ELP3: variants seen among roughly 807,000 people sequenced by gnomAD.
ELP3 encodes elongator acetyltransferase complex subunit 3.
A neutral mutation model predicts 74.9 loss-of-function variants in ELP3; 56 were observed. That is an observed-to-expected ratio of 0.75 (90% CI 0.60 to 0.93). The LOEUF (loss-of-function observed/expected upper bound fraction) is 0.93. Ranked by LOEUF, ELP3 falls within the 40% of genes least tolerant of loss-of-function variation. ELP3 has a pLI of 0.00. For synonymous variants in ELP3, 222 were observed against 239.8 expected (o/e 0.93, Z 0.68); for missense variants, 573 against 686.5 (o/e 0.83, Z 1.85).
intron 14 of ELP3, among the ~76,000 whole-genome samples, chr8:28,184,197 A>T (rs1443144967): frequency 6.6e-6 from 1 of 152,206 alleles, no homozygotes; most frequent in East Asian, 1.9e-4. Context: ...AAAGAAATTT[A>T]GCTCTTTAGG....
intron 7 of ELP3, among the ~76,000 whole-genome samples, chr8:28,127,579 T>C (rs952650107): frequency 3.9e-5 from 6 of 152,198 alleles, no homozygotes; most frequent in African/African-American, 1.2e-4. Flanking sequence ...AACCCAATAA[T>C]TGATGCTGGA....
chr8:28,165,828 G>T (rs1814284532), intron 14 of ELP3, among the ~76,000 whole-genome samples: 1 of 151,862 alleles, frequency 6.6e-6, no homozygotes, highest in African/African-American at 2.4e-5. Context: ...AAAACAAATT[G>T]GTTTTTTATC....
chr8:28,098,501 C>G (rs1294459123), intron 2 of ELP3, among the ~76,000 whole-genome samples: 2 of 152,044 alleles, frequency 1.3e-5, no homozygotes, highest in East Asian at 3.8e-4. Flanking sequence ...TGGTTATACC[C>G]CTGATTATAC....
chr8:28,114,045 G>A (rs889726981), intron 7 of ELP3, among the ~76,000 whole-genome samples: 2 of 152,038 alleles, frequency 1.3e-5, no homozygotes, highest in African/African-American at 4.8e-5. Context: ...AGTGATTTAA[G>A]AAGTGAAAGT....
intron 14 of ELP3, among the ~76,000 whole-genome samples, chr8:28,163,843 A>G (rs1420774405): frequency 6.6e-6 from 1 of 152,088 alleles, no homozygotes; most frequent in Non-Finnish European, 1.5e-5. Flanking sequence ...AATCACCTGG[A>G]GATCTTGTTA....
At chr8:28,115,921 A>T (rs1205792568) in intron 7 of ELP3, among the ~76,000 whole-genome samples, 1 of 152,156 alleles carries the variant, frequency 6.6e-6, no homozygotes, top group Non-Finnish European at 1.5e-5. Context: ...GGTTTCATAT[A>T]GCTAATTATA....
chr8:28,185,382 A>G (rs1815195819), intron 14 of ELP3, among the ~76,000 whole-genome samples: 1 of 152,170 alleles, frequency 6.6e-6, no homozygotes, highest in Non-Finnish European at 1.5e-5. Flanking sequence ...ATTTCTTTGT[A>G]TATACACAAC....
intron 12 of ELP3, among the ~76,000 whole-genome samples, chr8:28,159,405 A>G (rs1221980396): frequency 6.6e-6 from 1 of 152,188 alleles, no homozygotes; most frequent in Non-Finnish European, 1.5e-5. Flanking sequence ...TGTGCTGTTC[A>G]GTTATTTAGC....
intron 10 of ELP3, among the ~76,000 whole-genome samples, chr8:28,143,375 T>C (rs1007020108): frequency 2.0e-5 from 3 of 152,238 alleles, no homozygotes; most frequent in African/African-American, 7.2e-5. Context: ...TCTATTTACA[T>C]GAGCAAAATA....
At chr8:28,182,542 C>T (rs1255466179) in intron 14 of ELP3, among the ~76,000 whole-genome samples, 1 of 152,130 alleles carries the variant, frequency 6.6e-6, no homozygotes, top group Admixed American at 6.5e-5. Context: ...GCCTGGGTGA[C>T]AAGAGAGAGA....
chr8:28,165,335 G>A (rs575656633), intron 14 of ELP3, among the ~76,000 whole-genome samples: 46 of 152,228 alleles, frequency 3.0e-4, no homozygotes, highest in Admixed American at 2.7e-3. Context: ...TCTCGGTCTC[G>A]TTGTAGGTTG....
chr8:28,175,517 C>G (rs556284886), intron 14 of ELP3, among the ~76,000 whole-genome samples: 2 of 152,104 alleles, frequency 1.3e-5, no homozygotes, highest in South Asian at 4.1e-4. Flanking sequence ...GATAGTATCC[C>G]CTTGATATCC....
upstream of ELP3, chr8:28,090,344 GC>G: frequency 2.6e-6 from 1 of 384,684 alleles, no homozygotes; most frequent in Non-Finnish European, 5.1e-6. Context: ...TGAGTGTAGT[GC>G]CCAACTCTGG....
chr8:28,110,035 C>T (rs1811851512), intron 5 of ELP3, among the ~76,000 whole-genome samples: 1 of 152,112 alleles, frequency 6.6e-6, no homozygotes. Context: ...TTAAAAGTTA[C>T]TTTATTATAT....
chr8:28,136,302 C>A (rs1812989503), intron 9 of ELP3, among the ~76,000 whole-genome samples: 1 of 152,114 alleles, frequency 6.6e-6, no homozygotes, highest in Non-Finnish European at 1.5e-5. Flanking sequence ...AGAAAATAAA[C>A]ACTTTTTTAA....
intron 10 of ELP3, among the ~76,000 whole-genome samples, chr8:28,149,068 C>T (rs563351955): frequency 4.9e-4 from 75 of 152,274 alleles, no homozygotes; most frequent in African/African-American, 1.7e-3. Context: ...AGAAAGTGGG[C>T]CCTCACCAGG....
chr8:28,168,460 G>A (rs780226876), intron 14 of ELP3, among the ~76,000 whole-genome samples: 3 of 152,106 alleles, frequency 2.0e-5, no homozygotes, highest in Non-Finnish European at 4.4e-5. Context: ...TAGACTTTTT[G>A]TCCCCATTCT....
At chr8:28,094,055 T>A (rs780609041) in intron 1 of ELP3, among the ~76,000 whole-genome samples, 5 of 152,242 alleles carry the variant, frequency 3.3e-5, no homozygotes, top group Non-Finnish European at 7.3e-5. Flanking sequence ...CTTCTTGACA[T>A]TAACTGTTAT....
chr8:28,114,060 A>G (rs1368486175), intron 7 of ELP3, among the ~76,000 whole-genome samples: 1 of 152,048 alleles, frequency 6.6e-6, no homozygotes, highest in Non-Finnish European at 1.5e-5. Context: ...GAAAGTCTTA[A>G]AATAGTTTTT....
Sources: gnomAD v4.1 joint callset for allele counts (sites outside exome capture counted in the v4.1 genomes callset) on GRCh38, gnomAD v4.1.1 for gene constraint, MANE v1.5 for transcripts, NCBI Gene and HGNC (gene_info 2026-07-23, HGNC 2026-07-21) for gene names.